Variants in IL16 observed in about 807,000 individuals in gnomAD.
The protein encoded by IL16 is pro-interleukin-16.
Under a neutral mutation model 110.1 loss-of-function variants are expected in IL16, and 67 were observed. The ratio of observed to expected loss-of-function variants is 0.61; its 90% CI spans 0.50 to 0.75. IL16 has a LOEUF of 0.75. Ranked by LOEUF, IL16 falls within the 30% of genes least tolerant of loss-of-function variation. The probability of loss-of-function intolerance (pLI) is 0.00; values close to 1 mark genes in which losing one functional copy is unlikely to be tolerated. For missense variants in IL16, 1,545 were observed against 1,655.0 expected (o/e 0.93, Z 1.15); for synonymous variants, 689 against 662.9 (o/e 1.04, Z -0.61).
chr15:81,222,901 G>T (rs1001666650), intron 1 of IL16, among the ~76,000 whole-genome samples: 1 of 152,078 alleles, frequency 6.6e-6, no homozygotes, highest in South Asian at 2.1e-4. Context: ...TACTAGTTTT[G>T]GGAAGTGGAA....
intron 8 of IL16, 55 bp downstream of exon 8, chr15:81,279,829 TC>T (rs1899091599): frequency 9.0e-6 from 13 of 1,447,546 alleles, no homozygotes; most frequent in Non-Finnish European, 1.2e-5. Flanking sequence ...TGGCTGAGTC[TC>T]CCAGGCTTTC....
At chr15:81,214,766 G>A (rs1896366443) in intron 1 of IL16, among the ~76,000 whole-genome samples, 1 of 152,100 alleles carries the variant, frequency 6.6e-6, no homozygotes, top group Non-Finnish European at 1.5e-5. Context: ...CCAATGAATT[G>A]TAGATTTGAT....
At chr15:81,293,890 G>A (rs1899862257) in intron 12 of IL16, among the ~76,000 whole-genome samples, 1 of 152,168 alleles carries the variant, frequency 6.6e-6, no homozygotes, top group South Asian at 2.1e-4. Flanking sequence ...CCACCTGATG[G>A]TGAGAGTCCC....
chr15:81,254,702 C>T (rs1359296474), intron 2 of IL16, among the ~76,000 whole-genome samples: 1 of 152,174 alleles, frequency 6.6e-6, no homozygotes, highest in Non-Finnish European at 1.5e-5. Flanking sequence ...ACAGCAGCCC[C>T]ACCTTGAGAG....
chr15:81,186,567 A>T (rs8029937), intron 1 of IL16, among the ~76,000 whole-genome samples: 47,728 of 152,160 alleles, frequency 0.31, 11,110 homozygotes, highest in East Asian at 0.64. Flanking sequence ...CCTCAGAAAA[A>T]CAGATCAGAT....
At chr15:81,254,564 C>T (rs1223387237) in intron 2 of IL16, among the ~76,000 whole-genome samples, 1 of 152,164 alleles carries the variant, frequency 6.6e-6, no homozygotes, top group Non-Finnish European at 1.5e-5. Flanking sequence ...GACTGCTACC[C>T]AGGTAATTAC....
chr15:81,291,625 G>A (rs1051226009), intron 11 of IL16, among the ~76,000 whole-genome samples: 5 of 152,088 alleles, frequency 3.3e-5, no homozygotes, highest in Non-Finnish European at 7.4e-5. Flanking sequence ...TTTAGGAAAG[G>A]GGCACCCTTG....
At chr15:81,290,673 A>T in intron 11 of IL16, 133 bp downstream of exon 11, 1 of 524,498 alleles carries the variant, frequency 1.9e-6, no homozygotes. Flanking sequence ...ATGTAGACAA[A>T]GGCTGAAAAC....
intron 2 of IL16, among the ~76,000 whole-genome samples, chr15:81,236,776 CA>C (rs67921416): frequency 0.24 from 35,905 of 151,786 alleles, 4,915 homozygotes; most frequent in African/African-American, 0.37. Flanking sequence ...GCCAACATGG[CA>C]AAAATCCTGT....
chr15:81,242,839 C>G lies in IL16; in HGVS notation c.313-16933C>G, dbSNP rs530690655. On this transcript the variant is annotated intron_variant, in intron 2 of 18. Coordinates refer to ENST00000683961, the MANE Select transcript of IL16 (RefSeq NM_172217.5). ...TTTTCATTATTAATTATGGTTTTAG[C>G]CACAGGTTTTTTGCAGATGTTCTTT... Among the ~76,000 whole-genome samples the G allele has an allele frequency of 2.6e-5, 4 of 151,980 alleles. No homozygotes were observed. The East Asian group carries it at 7.7e-4, about 29-fold the overall frequency.
chr15:81,265,859 C>T (rs755343865), intron 4 of IL16, 58 bp downstream of exon 4: 353 of 1,526,128 alleles, frequency 2.3e-4, no homozygotes, highest in Non-Finnish European at 3.0e-4. Flanking sequence ...AAGGGAGGGG[C>T]CCAACATTAA....
intron 1 of IL16, among the ~76,000 whole-genome samples, chr15:81,201,562 T>C (rs530346849): frequency 6.6e-6 from 1 of 152,314 alleles, no homozygotes; most frequent in African/African-American, 2.4e-5. Context: ...GCAGATCATA[T>C]TTTGGGTTTC....
chr15:81,289,775 A>T (rs1899621834), intron 10 of IL16: 1 of 309,314 alleles, frequency 3.2e-6, no homozygotes, highest in African/African-American at 2.2e-5. Flanking sequence ...GATGCACAGA[A>T]GTTTTTGATT....
chr15:81,188,561 A>G (rs1156490546), intron 1 of IL16, among the ~76,000 whole-genome samples: 1 of 152,178 alleles, frequency 6.6e-6, no homozygotes, highest in African/African-American at 2.4e-5. Flanking sequence ...ATAGGTACTC[A>G]GGCTGCTGGA....
At chr15:81,269,836 T>C (rs1324686759) in intron 5 of IL16, among the ~76,000 whole-genome samples, 188 bp downstream of exon 5, 1 of 152,234 alleles carries the variant, frequency 6.6e-6, no homozygotes, top group Non-Finnish European at 1.5e-5. Context: ...ATTTTTCTAA[T>C]TAAACAAAGT....
At chr15:81,258,846 A>G (rs116653610) in intron 2 of IL16, among the ~76,000 whole-genome samples, 2,397 of 152,300 alleles carry the variant, frequency 0.016, 60 homozygotes, top group African/African-American at 0.055. Context: ...GTAGTGAGTA[A>G]TAAAACCAAT....
At chr15:81,231,630 C>T (rs1227333901) in intron 2 of IL16, among the ~76,000 whole-genome samples, 1 of 152,210 alleles carries the variant, frequency 6.6e-6, no homozygotes, top group Non-Finnish European at 1.5e-5. Flanking sequence ...ACCTTGGCCT[C>T]CCACAGTGCT....
intron 1 of IL16, among the ~76,000 whole-genome samples, chr15:81,204,827 C>T (rs1895955957): frequency 6.6e-6 from 1 of 151,202 alleles, no homozygotes; most frequent in South Asian, 2.1e-4. Context: ...CTAGAGAGCG[C>T]ATGGGACATT....
At chr15:81,225,866 C>A (rs189924584) in intron 2 of IL16, among the ~76,000 whole-genome samples, 155 bp downstream of exon 2, 1 of 152,290 alleles carries the variant, frequency 6.6e-6, no homozygotes, top group African/African-American at 2.4e-5. Context: ...CCCACTGGAA[C>A]TGTAACAATG....
Sources: gnomAD v4.1 joint callset for allele counts (sites outside exome capture counted in the v4.1 genomes callset) on GRCh38, gnomAD v4.1.1 for gene constraint, MANE v1.5 for transcripts, NCBI Gene and HGNC (gene_info 2026-07-23, HGNC 2026-07-21) for gene names.